The following DPYD variants were observed in gnomAD, a reference collection of about 807,000 sequenced individuals.
DPYD encodes the protein dihydropyrimidine dehydrogenase [NADP(+)].
DPYD carries 109 observed loss-of-function variants against 116.2 expected under a neutral mutation model. The ratio of observed to expected loss-of-function variants is 0.94; its 90% CI spans 0.80 to 1.10. The LOEUF (loss-of-function observed/expected upper bound fraction) is 1.10, where lower values mean the gene tolerates loss of function less well. Among genes scored for constraint, DPYD ranks in the 50% least tolerant of loss-of-function variants. The probability of loss-of-function intolerance (pLI) is 0.00; values close to 1 mark genes in which losing one functional copy is unlikely to be tolerated. For synonymous variants in DPYD, 440 were observed against 432.0 expected (o/e 1.02, Z -0.23); for missense variants, 1,302 against 1,254.5 (o/e 1.04, Z -0.57).
At chr1:97,415,468 C>G (rs1017114258) in intron 14 of DPYD, among the ~76,000 whole-genome samples, 1 of 152,106 alleles carries the variant, frequency 6.6e-6, no homozygotes. Flanking sequence ...GCTGGGATTA[C>G]AGGCCACCGT....
At chr1:97,726,160 A>G (rs1160050321) in intron 4 of DPYD, among the ~76,000 whole-genome samples, 1 of 151,564 alleles carries the variant, frequency 6.6e-6, no homozygotes, top group Non-Finnish European at 1.5e-5. Context: ...TAGAAATTGC[A>G]TCTCTACTTG....
intron 14 of DPYD, among the ~76,000 whole-genome samples, chr1:97,433,555 CT>C (rs1223598793): frequency 6.6e-6 from 1 of 151,998 alleles, no homozygotes; most frequent in Non-Finnish European, 1.5e-5. Context: ...AATTTTGTGG[CT>C]TATATCTTTT....
chr1:97,430,619 A>T (rs1160465564), intron 14 of DPYD, among the ~76,000 whole-genome samples: 1 of 151,954 alleles, frequency 6.6e-6, no homozygotes, highest in Non-Finnish European at 1.5e-5. Context: ...CTTTCACGTG[A>T]ATTTTAATAA....
chr1:97,909,635 C>A (rs1673825026), intron 1 of DPYD, among the ~76,000 whole-genome samples: 1 of 151,990 alleles, frequency 6.6e-6, no homozygotes, highest in South Asian at 2.1e-4. Flanking sequence ...CTCCCAACAG[C>A]AGACAAGAAA....
chr1:97,643,192 A>G (rs1658038542), intron 8 of DPYD, among the ~76,000 whole-genome samples: 1 of 152,170 alleles, frequency 6.6e-6, no homozygotes, highest in African/African-American at 2.4e-5. Flanking sequence ...CCATCTGACA[A>G]AGGGCTAATA....
chr1:97,259,341 T>C (rs1033133127), intron 18 of DPYD, among the ~76,000 whole-genome samples: 8 of 152,082 alleles, frequency 5.3e-5, no homozygotes, highest in African/African-American at 1.9e-4. Flanking sequence ...CTTTCCTCTC[T>C]TAACAGCAAC....
chr1:97,472,280 C>T (rs1218538215), intron 13 of DPYD, among the ~76,000 whole-genome samples: 1 of 152,192 alleles, frequency 6.6e-6, no homozygotes, highest in East Asian at 1.9e-4. Flanking sequence ...GTAGTAGACA[C>T]CTACTGGATT....
At chr1:97,097,863 T>C (rs1650378007) in intron 21 of DPYD, among the ~76,000 whole-genome samples, 1 of 152,108 alleles carries the variant, frequency 6.6e-6, no homozygotes, top group South Asian at 2.1e-4. Context: ...CAGGTGAAAC[T>C]GGATAAAGGG....
At chr1:97,335,146 T>C (rs548511636) in intron 16 of DPYD, among the ~76,000 whole-genome samples, 1 of 152,268 alleles carries the variant, frequency 6.6e-6, no homozygotes, top group Admixed American at 6.6e-5. Flanking sequence ...GGCTGCTTCC[T>C]AAATTTAATT....
chr1:97,291,119 A>G (rs1270777069), intron 18 of DPYD, among the ~76,000 whole-genome samples: 1 of 152,254 alleles, frequency 6.6e-6, no homozygotes, highest in Non-Finnish European at 1.5e-5. Context: ...GAGAAATGCA[A>G]ATCAAAACCA....
intron 5 of DPYD, chr1:97,700,180 G>T (rs540267690): frequency 4.4e-6 from 2 of 454,604 alleles, no homozygotes; most frequent in African/African-American, 4.0e-5. Context: ...AGGGATTTGC[G>T]ACTTCTTACC....
chr1:97,897,519 C>T (rs906936280), intron 1 of DPYD, among the ~76,000 whole-genome samples: 3 of 151,870 alleles, frequency 2.0e-5, no homozygotes, highest in Non-Finnish European at 4.4e-5. Context: ...TATGAGGCCA[C>T]TCGAAGTTGT....
At chr1:97,378,191 A>G (rs544804540) in intron 15 of DPYD, among the ~76,000 whole-genome samples, 90 of 152,300 alleles carry the variant, frequency 5.9e-4, no homozygotes, top group African/African-American at 2.0e-3. Context: ...ATGTAAAGTC[A>G]GTTACTATCT....
intron 18 of DPYD, among the ~76,000 whole-genome samples, chr1:97,256,834 AT>A (rs912437106): frequency 1.3e-5 from 2 of 152,110 alleles, no homozygotes; most frequent in African/African-American, 4.8e-5. Flanking sequence ...AGTCTTTATA[AT>A]TTTATAAATC....
intron 18 of DPYD, among the ~76,000 whole-genome samples, chr1:97,284,377 A>C (rs1056744307): frequency 4.6e-5 from 7 of 152,132 alleles, no homozygotes; most frequent in Non-Finnish European, 8.8e-5. Flanking sequence ...AGAAAGTGAT[A>C]CTGAAATTTT....
chr1:97,304,323 G>C (rs1349345696), intron 18 of DPYD, among the ~76,000 whole-genome samples: 1 of 152,004 alleles, frequency 6.6e-6, no homozygotes, highest in African/African-American at 2.4e-5. Context: ...AGCGAGCTGT[G>C]TCTGGAGCCT....
At chr1:97,293,125 T>C (rs1157586985) in intron 18 of DPYD, among the ~76,000 whole-genome samples, 2 of 152,202 alleles carry the variant, frequency 1.3e-5, no homozygotes, top group Non-Finnish European at 2.9e-5. Flanking sequence ...TGGAGAGGTT[T>C]ACTAGACCAC....
chr1:97,440,816 T>TATAA (rs1675746068), intron 14 of DPYD, among the ~76,000 whole-genome samples: 1 of 152,250 alleles, frequency 6.6e-6, no homozygotes, highest in South Asian at 2.1e-4. Context: ...TTCCATTGTG[T>TATAA]AGAACCACAG....
At chr1:97,183,680 A>C (rs754360581) in intron 20 of DPYD, among the ~76,000 whole-genome samples, 1 of 152,142 alleles carries the variant, frequency 6.6e-6, no homozygotes, top group African/African-American at 2.4e-5. Flanking sequence ...TATGATGTAT[A>C]TACAGATCAA....
Sources: gnomAD v4.1 joint callset for allele counts (sites outside exome capture counted in the v4.1 genomes callset) on GRCh38, gnomAD v4.1.1 for gene constraint, MANE v1.5 for transcripts, NCBI Gene and HGNC (gene_info 2026-07-23, HGNC 2026-07-21) for gene names.